Variants in PGCKA1 observed in about 807,000 individuals in gnomAD.
PGCKA1 encodes the protein PDCD10 and GCKIII kinases-associated protein 1.
the PGCKA1 span, among the ~76,000 whole-genome samples, chr4:37,474,481 T>A: frequency 6.6e-6 from 1 of 152,286 alleles, no homozygotes; most frequent in Middle Eastern, 3.4e-3. Context: ...ACCTGGCAAC[T>A]GTAGGTACGC....
At chr4:37,475,297 T>C in the PGCKA1 span, among the ~76,000 whole-genome samples, 30 of 152,268 alleles carry the variant, frequency 2.0e-4, no homozygotes, top group Non-Finnish European at 3.8e-4. Flanking sequence ...TCCTTTTTTT[T>C]CCTGTGGAGC....
At chr4:37,546,983 C>T in the PGCKA1 span, among the ~76,000 whole-genome samples, 2 of 151,906 alleles carry the variant, frequency 1.3e-5, no homozygotes, top group Non-Finnish European at 2.9e-5. Flanking sequence ...TGATCACCCA[C>T]GGCATGCCTT....
chr4:37,590,505 G>T, the PGCKA1 span: 1 of 1,614,024 alleles, frequency 6.2e-7, no homozygotes, highest in East Asian at 2.2e-5. Flanking sequence ...GTGTGCTGCT[G>T]GCCTCAGAAG....
the PGCKA1 span, among the ~76,000 whole-genome samples, chr4:37,575,546 G>C: frequency 2.7e-4 from 41 of 152,058 alleles, no homozygotes; most frequent in African/African-American, 9.4e-4. Context: ...CCCATTCTGT[G>C]GGTTGTCTCT....
chr4:37,527,233 TA>T, the PGCKA1 span, among the ~76,000 whole-genome samples: 1 of 152,200 alleles, frequency 6.6e-6, no homozygotes, highest in African/African-American at 2.4e-5. Context: ...TTTTAGTAAT[TA>T]AAAAGTTTAT....
the PGCKA1 span, among the ~76,000 whole-genome samples, chr4:37,524,570 C>T: frequency 6.6e-6 from 1 of 152,208 alleles, no homozygotes; most frequent in African/African-American, 2.4e-5. Flanking sequence ...CATCTCTCTG[C>T]CATATTCTAT....
the PGCKA1 span, among the ~76,000 whole-genome samples, chr4:37,495,905 G>C: frequency 7.2e-5 from 11 of 152,162 alleles, no homozygotes; most frequent in African/African-American, 2.6e-4. Context: ...CTTTTTAATG[G>C]GGTTGTTTAT....
the PGCKA1 span, among the ~76,000 whole-genome samples, chr4:37,454,812 C>A: frequency 3.3e-5 from 5 of 152,208 alleles, no homozygotes; most frequent in African/African-American, 7.2e-5. Context: ...TTTACCCCAG[C>A]ATGGCAATTG....
the PGCKA1 span, among the ~76,000 whole-genome samples, chr4:37,584,877 A>G: frequency 6.6e-6 from 1 of 151,624 alleles, no homozygotes; most frequent in Non-Finnish European, 1.5e-5. Context: ...TGAATTCACC[A>G]TCATAAAGTT....
chr4:37,554,928 T>C, the PGCKA1 span, among the ~76,000 whole-genome samples: 1 of 152,172 alleles, frequency 6.6e-6, no homozygotes, highest in East Asian at 1.9e-4. Context: ...TAGAAGGCCT[T>C]GAATGCATAG....
chr4:37,506,666 T>G, the PGCKA1 span, among the ~76,000 whole-genome samples: 2 of 152,038 alleles, frequency 1.3e-5, no homozygotes, highest in African/African-American at 4.8e-5. Flanking sequence ...TTCCATTATT[T>G]AGAATGTTTT....
the PGCKA1 span, among the ~76,000 whole-genome samples, chr4:37,543,034 A>G: frequency 6.6e-6 from 1 of 152,124 alleles, no homozygotes; most frequent in Non-Finnish European, 1.5e-5. Context: ...ACTCTTTCTC[A>G]TGACTTTCTC....
chr4:37,524,815 C>G, the PGCKA1 span, among the ~76,000 whole-genome samples: 25 of 152,094 alleles, frequency 1.6e-4, no homozygotes, highest in Non-Finnish European at 3.4e-4. Context: ...AAGCAAATAA[C>G]TGAGGTGATG....
the PGCKA1 span, among the ~76,000 whole-genome samples, chr4:37,557,443 T>C: frequency 2.4e-4 from 36 of 152,288 alleles, no homozygotes; most frequent in East Asian, 6.9e-3. Context: ...CTCAGAGTTG[T>C]GGAGGCTGGA....
the PGCKA1 span, among the ~76,000 whole-genome samples, chr4:37,511,723 C>T: frequency 6.6e-6 from 1 of 152,212 alleles, no homozygotes; most frequent in Non-Finnish European, 1.5e-5. Flanking sequence ...GTCTAGTAGG[C>T]CACATGCCAC....
the PGCKA1 span, among the ~76,000 whole-genome samples, chr4:37,535,288 A>G: frequency 1.3e-5 from 2 of 152,206 alleles, no homozygotes; most frequent in African/African-American, 2.4e-5. Context: ...TTGGTCGGCC[A>G]AGGCGGGAGG....
chr4:37,485,164 A>G, the PGCKA1 span, among the ~76,000 whole-genome samples: 4 of 152,200 alleles, frequency 2.6e-5, no homozygotes, highest in African/African-American at 9.6e-5. Context: ...TTAAGTCCCA[A>G]ATGAATAACA....
At chr4:37,590,346 T>C in the PGCKA1 span, 2 of 1,613,538 alleles carry the variant, frequency 1.2e-6, no homozygotes, top group Non-Finnish European at 1.7e-6. Flanking sequence ...ATGCCTGCGG[T>C]GTCAACGGCA....
At chr4:37,555,479 C>T in the PGCKA1 span, among the ~76,000 whole-genome samples, 1 of 152,278 alleles carries the variant, frequency 6.6e-6, no homozygotes, top group South Asian at 2.1e-4. Flanking sequence ...AGACTCATGC[C>T]CTCTGGTTTG....
Sources: allele counts gnomAD v4.1 joint callset (sites outside exome capture counted in the v4.1 genomes callset), GRCh38; gene constraint gnomAD v4.1.1; transcripts MANE v1.5; gene names NCBI Gene and HGNC (gene_info 2026-07-23, HGNC 2026-07-21).